The following NLRP12 variants were observed in gnomAD, a reference collection of about 807,000 sequenced individuals.
The protein encoded by NLRP12 is NLR family pyrin domain containing 12.
NLRP12 carries 108 observed loss-of-function variants against 91.2 expected under a neutral mutation model. That is an observed-to-expected ratio of 1.18 (90% CI 1.01 to 1.39). The LOEUF (loss-of-function observed/expected upper bound fraction) is 1.39, where lower values mean the gene tolerates loss of function less well. Among genes scored for constraint, NLRP12 ranks in the 40% most tolerant of loss-of-function variants. The probability of loss-of-function intolerance (pLI) is 0.00; values close to 1 mark genes in which losing one functional copy is unlikely to be tolerated. For missense variants in NLRP12, 1,530 were observed against 1,352.7 expected (o/e 1.13, Z -2.06); for synonymous variants, 613 against 566.7 (o/e 1.08, Z -1.16).
chr19:53,818,129 G>C lies in NLRP12; in HGVS notation c.290-3141C>G, dbSNP rs542197616. 2.0e-5 allele frequency among the ~76,000 whole-genome samples: 3 copies of C among 151,102 alleles called. No homozygotes were observed. The East Asian group carries it at 5.9e-4, about 30-fold the overall frequency. ...GAGAGGGTCTTGCTCTGTTGCTCAG[G>C]CTGGAGTAGTGTGGCATGATCTTGG... On this transcript the variant is annotated intron_variant, in intron 1 of 9. Coordinates refer to ENST00000324134, the MANE Select transcript of NLRP12 (RefSeq NM_144687.4).
At chr19:53,814,830 T>G in intron 2 of NLRP12, 78 bp downstream of exon 2, 3 of 1,129,238 alleles carry the variant, frequency 2.7e-6, no homozygotes, top group Non-Finnish European at 4.1e-6. Context: ...CAATCACGCG[T>G]TTGTGGTTGG....
Position 53,793,934 on chromosome 19 carries a change from A to T in NLRP12, c.*115T>A. The stretch of plus-strand genomic sequence containing the variant: ...CCCAAGCAGAGGGACTTTTGATCTC[A>T]ATCTGCATGAGTCTGTCTCTAGGAA... On this transcript the variant is annotated 3_prime_UTR_variant, in exon 10 of 10. Transcript: ENST00000324134. 1 of 810,736 alleles carries T rather than the reference A, an allele frequency of 1.2e-6. No individual in the cohort carries two copies. 50.2% of individuals were successfully genotyped at this position (810,736 alleles called of 1,614,324 possible).
chr19:53,812,448 A>G (rs1010364502), intron 2 of NLRP12, among the ~76,000 whole-genome samples: 2 of 151,798 alleles, frequency 1.3e-5, no homozygotes, highest in Non-Finnish European at 2.9e-5. Flanking sequence ...CAATGTTCTT[A>G]ATTGGGGTGA....
intron 9 of NLRP12, among the ~76,000 whole-genome samples, chr19:53,794,526 T>C (rs1432004118): frequency 1.2e-5 from 1 of 82,170 alleles, no homozygotes; most frequent in Non-Finnish European, 2.6e-5. Flanking sequence ...TCACCCGTGT[T>C]AGCCAGGATG....
chr19:53,801,442 CTTTTT>C lies in NLRP12; in HGVS notation c.2586-50_2586-46del, dbSNP rs779860917. 3.3e-4 allele frequency: 426 copies of C among 1,304,888 alleles called. No individual in the cohort carries two copies. The African/African-American group carries it at 6.9e-3, about 21-fold the overall frequency. 80.8% of individuals were successfully genotyped at this position (1,304,888 alleles called of 1,614,324 possible). A position where few individuals can be genotyped will look rare whatever the true frequency, so the allele number is the denominator to read the frequency against. On this transcript the variant is annotated intron_variant, in intron 6 of 9. Transcript: ENST00000324134. Reference sequence around the variant, plus strand: ...ACAAGCATTATGGAGGCTTTCCTTTCTTTTTCTTTTTTTTTTTTTTTTTTTTTGAG... The same window carrying C: ...ACAAGCATTATGGAGGCTTTCCTTTCCTTTTTTTTTTTTTTTTTTTTTGAG...
Position 53,795,853 on chromosome 19 carries a change from C to T in NLRP12, c.3098+6G>A, listed in dbSNP as rs765100013. The T allele has an allele frequency of 6.2e-7, 1 of 1,613,848 alleles. No individual in the cohort carries two copies. The highest frequency in any genetic ancestry group is 8.5e-7 in the Non-Finnish European group (1 of 1,179,800). ...CCTCCAGAAAGAACTGGTCATCATC[C>T]CTCACCAGAGGACTCGGAGTTTGCA... is the stretch of plus-strand genomic sequence containing the variant. On this transcript the variant is annotated splice_donor_region_variant and intron_variant, in intron 9 of 9. Coordinates refer to ENST00000324134, the MANE Select transcript of NLRP12 (RefSeq NM_144687.4).
intron 8 of NLRP12, among the ~76,000 whole-genome samples, chr19:53,797,741 A>AT (rs544319440): frequency 0.14 from 18,871 of 139,342 alleles, 1,365 homozygotes; most frequent in Middle Eastern, 0.19. Flanking sequence ...TTAAATTTTA[A>AT]TTTTTTTTTT....
At chr19:53,813,869 T>G (rs541828874) in intron 2 of NLRP12, among the ~76,000 whole-genome samples, 2 of 115,964 alleles carry the variant, frequency 1.7e-5, no homozygotes, top group East Asian at 2.1e-4. Flanking sequence ...CGATTTTTTG[T>G]TTTTTTTTGT....
rs542222591 is a variant in NLRP12 at position 53,794,081 on chromosome 19, C to T, written c.3154G>A (p.Val1052Ile). 1 of 1,614,022 alleles carries T rather than the reference C, an allele frequency of 6.2e-7. No homozygotes were observed. The highest frequency in any genetic ancestry group is 1.3e-5 in the African/African-American group (1 of 75,028). Residue 1052 changes from valine (V) to isoleucine (I), a missense_variant, in exon 10 of 10, where the codon GTA becomes ATA. By Grantham distance (29) the Val-to-Ile change is conservative. Coordinates refer to ENST00000324134, the MANE Select transcript of NLRP12 (RefSeq NM_144687.4). Reference protein sequence around the residue: ...MTHSRLAALRVTKPYLDIGC With the variant: ...MTHSRLAALRITKPYLDIGC ...CCAATGTCCAAATAAGGTTTTGTTA[C>T]TCGAAGCGCTGCCAACCTACTGTGG...
chr19:53,802,858 T>C (rs959298844), intron 6 of NLRP12, among the ~76,000 whole-genome samples: 12 of 152,138 alleles, frequency 7.9e-5, no homozygotes, highest in African/African-American at 2.9e-4. Context: ...ACTGCAGCCT[T>C]GGCCTCCGAG....
intron 6 of NLRP12, among the ~76,000 whole-genome samples, chr19:53,801,752 G>A (rs1405778188): frequency 1.3e-5 from 2 of 151,764 alleles, no homozygotes; most frequent in Non-Finnish European, 2.9e-5. Flanking sequence ...ACTGCGCCTA[G>A]GCCCCCAATC....
At chr19:53,803,212 G>A (rs371141414) in intron 6 of NLRP12, among the ~76,000 whole-genome samples, 4 of 150,504 alleles carry the variant, frequency 2.7e-5, no homozygotes, top group Non-Finnish European at 3.0e-5. Context: ...ACGGAGTTTC[G>A]TTTTTGTTGT....
At chr19:53,823,590 C>A (rs2092302083) in intron 1 of NLRP12, among the ~76,000 whole-genome samples, 1 of 148,482 alleles carries the variant, frequency 6.7e-6, no homozygotes. Flanking sequence ...GTTCTGTCAC[C>A]TAGGCTGGGG....
rs868314898 is a variant in NLRP12 at position 53,819,461 on chromosome 19, G to A, written c.289+4425C>T. 2.8e-3 allele frequency among the ~76,000 whole-genome samples: 52 copies of A among 18,484 alleles called. 1 individual carries two copies. Among genetic ancestry groups the A allele is most frequent in the South Asian group, 9.0e-3 (5 of 556 alleles). 12.1% of individuals were successfully genotyped at this position (18,484 alleles called of 152,430 possible). On this transcript the variant is annotated intron_variant, in intron 1 of 9. Transcript: ENST00000324134. ...TATATATATATATATATATATATGT[G>A]TGTGTGTGTGTGTGTGTGTGTGTAT...
rs2092234915 is a variant in NLRP12 at position 53,819,652 on chromosome 19, TATATAC to T, written c.289+4228_289+4233del. Among the ~76,000 whole-genome samples the T allele has an allele frequency of 3.2e-5, 3 of 92,526 alleles. 1 individual carries two copies. Among genetic ancestry groups the T allele is most frequent in the African/African-American group, 1.4e-4 (3 of 22,182 alleles). 60.7% of individuals were successfully genotyped at this position (92,526 alleles called of 152,430 possible). On this transcript the variant is annotated intron_variant, in intron 1 of 9. Transcript: ENST00000324134. Reference sequence around the variant, plus strand: ...GCGTATATATGTATGTATACGTATATATATACACATGTATACATATATGTATGTATA... The same window carrying T: ...GCGTATATATGTATGTATACGTATATACATGTATACATATATGTATGTATA...
At chr19:53,809,540 A>AAC (rs749963460) in intron 3 of NLRP12, 47 bp downstream of exon 3, 24 of 1,448,260 alleles carry the variant, frequency 1.7e-5, no homozygotes, top group African/African-American at 3.3e-5. Context: ...AAAAAAAAAA[A>AAC]ACACACGAAC....
At chr19:53,823,257 T>A (rs1417981451) in intron 1 of NLRP12, among the ~76,000 whole-genome samples, 1 of 141,262 alleles carries the variant, frequency 7.1e-6, no homozygotes, top group Non-Finnish European at 1.5e-5. Flanking sequence ...TATATAATAT[T>A]TATTATTTAT....
chr19:53,797,446 G>T (rs1444845229), intron 8 of NLRP12, among the ~76,000 whole-genome samples: 11 of 150,846 alleles, frequency 7.3e-5, no homozygotes, highest in African/African-American at 2.7e-4. Flanking sequence ...TTGAGACAGA[G>T]TCTTGCTCTA....
intron 1 of NLRP12, among the ~76,000 whole-genome samples, chr19:53,819,325 A>G (rs547106343): frequency 1.8e-4 from 26 of 145,258 alleles, no homozygotes; most frequent in African/African-American, 6.1e-4. Context: ...GCTCACTGCA[A>G]CCTCCGCCTC....
Sources: allele counts gnomAD v4.1 joint callset (sites outside exome capture counted in the v4.1 genomes callset), GRCh38; gene constraint gnomAD v4.1.1; transcripts MANE v1.5; gene names NCBI Gene and HGNC (gene_info 2026-07-23, HGNC 2026-07-21).